CBFA2T3: variants seen among roughly 807,000 people sequenced by gnomAD.
The protein encoded by CBFA2T3 is CBFA2/RUNX1 partner transcriptional co-repressor 3, also known as transcriptional corepressor CBFA2T3.
In CBFA2T3, 31 loss-of-function variants were observed where a neutral mutation model predicts 58.6. The ratio of observed to expected loss-of-function variants is 0.53; its 90% CI spans 0.40 to 0.71. CBFA2T3 has a LOEUF of 0.71. Ranked by LOEUF, CBFA2T3 falls within the 30% of genes least tolerant of loss-of-function variation. The probability of loss-of-function intolerance (pLI) is 0.00; values close to 1 mark genes in which losing one functional copy is unlikely to be tolerated. For missense variants in CBFA2T3, 1,076 were observed against 963.1 expected, an observed-to-expected ratio of 1.12 and a Z score of -1.55; for synonymous variants, 531 against 421.9, an observed-to-expected ratio of 1.26 and a Z score of -3.17.
chr16:88,934,335 G>T (rs1008107442), intron 1 of CBFA2T3, among the ~76,000 whole-genome samples: 4 of 152,254 alleles, frequency 2.6e-5, no homozygotes, highest in Non-Finnish European at 5.9e-5. Context: ...CTCCATGCAC[G>T]TTCCCGAACA....
chr16:88,970,898 C>G (rs1369441393), intron 1 of CBFA2T3, among the ~76,000 whole-genome samples: 1 of 152,090 alleles, frequency 6.6e-6, no homozygotes, highest in Non-Finnish European at 1.5e-5. Flanking sequence ...CATGGGGTGA[C>G]AGATTGAAGG....
intron 2 of CBFA2T3, among the ~76,000 whole-genome samples, chr16:88,900,301 G>A (rs796319846): frequency 2.6e-5 from 4 of 152,334 alleles, no homozygotes; most frequent in African/African-American, 9.6e-5. Flanking sequence ...CAAGTCGGGA[G>A]GCTGACTCGG....
At position 88,894,457 on chromosome 16, in the gene CBFA2T3, C is replaced by A. The variant is rs961022264; in HGVS notation, c.380-1972G>T. ...CACACAATGTACACACATGCACGCACACATGCATACATATACACATGCACA... is the reference window on the plus strand; with the variant it reads ...CACACAATGTACACACATGCACGCAAACATGCATACATATACACATGCACA... On this transcript the variant is annotated intron_variant, in intron 3 of 11. Coordinates refer to ENST00000268679, the MANE Select transcript of CBFA2T3 (RefSeq NM_005187.6). 1.6e-5 allele frequency among the ~76,000 whole-genome samples: 2 copies of A among 123,290 alleles called. 1 individual carries two copies. The highest frequency in any genetic ancestry group is 7.3e-5 in the African/African-American group (2 of 27,534). 80.9% of individuals were successfully genotyped at this position (123,290 alleles called of 152,430 possible). A position where few individuals can be genotyped will look rare whatever the true frequency, so the allele number is the denominator to read the frequency against.
chr16:88,940,524 G>T (rs1182857357), intron 1 of CBFA2T3, among the ~76,000 whole-genome samples: 1 of 152,236 alleles, frequency 6.6e-6, no homozygotes. Context: ...GGACCCCAGG[G>T]ACCGCATGCC....
At position 88,892,461 on chromosome 16, in the gene CBFA2T3, G is replaced by A. The variant is rs1341735681; in HGVS notation, c.404C>T (p.Pro135Leu). The A allele has an allele frequency of 1.9e-6, 3 of 1,613,212 alleles. No individual in the cohort carries two copies. Among genetic ancestry groups the A allele is most frequent in the Admixed American group, 1.7e-5 (1 of 60,030 alleles). Residue 135 changes from proline to leucine, a missense_variant, in exon 4 of 12, where the codon CCA becomes CTA. By Grantham distance (98) the Pro-to-Leu change is moderately conservative. Transcript: ENST00000268679. ...GCACGGTGCACCATTGATGGCTGTTGGTGAGTGGCTGCTGCCGTTCATCAC... is the reference window on the plus strand; with the variant it reads ...GCACGGTGCACCATTGATGGCTGTTAGTGAGTGGCTGCTGCCGTTCATCAC... ...CLLMNGSSHS[P>L]TAINGAPCTP... is the part of the protein sequence containing the mutation.
At chr16:88,937,219 A>AGGATCT (rs747793586) in intron 1 of CBFA2T3, 8 of 152,242 alleles carry the variant, frequency 5.3e-5, no homozygotes, top group Non-Finnish European at 8.8e-5. Context: ...CCCCCAGGAA[A>AGGATCT]GGATCTGGGG....
In CBFA2T3 at chr16:88,875,274, G is replaced by A. The variant is rs1442499025; in HGVS notation, c.*1702C>T. 5.6e-6 allele frequency: 1 copy of A among 177,046 alleles called. No homozygotes were observed. Among genetic ancestry groups the A allele is most frequent in the Non-Finnish European group, 1.2e-5 (1 of 85,070 alleles). 11.0% of individuals were successfully genotyped at this position (177,046 alleles called of 1,614,324 possible). On this transcript the variant is annotated 3_prime_UTR_variant, in exon 12 of 12. Coordinates refer to ENST00000268679, the MANE Select transcript of CBFA2T3 (RefSeq NM_005187.6). The stretch of plus-strand genomic sequence containing the variant: ...CTGTCCTTGTACTCGGTGCAAGCAT[G>A]AATTTCTTTATCCCTTTATTTCCTT...
chr16:88,968,537 T>C (rs1315372550), intron 1 of CBFA2T3, among the ~76,000 whole-genome samples: 1 of 152,248 alleles, frequency 6.6e-6, no homozygotes, highest in African/African-American at 2.4e-5. Context: ...CAGATCTGAC[T>C]GGCATCTTCT....
intron 10 of CBFA2T3, chr16:88,880,178 C>G (rs573705824): frequency 6.4e-6 from 1 of 157,156 alleles, no homozygotes; most frequent in East Asian, 1.9e-4. Flanking sequence ...TCAACTCCAC[C>G]ACTGAAAGAG....
intron 1 of CBFA2T3, among the ~76,000 whole-genome samples, chr16:88,967,261 A>T (rs12927542): frequency 1.4e-5 from 2 of 146,464 alleles, no homozygotes; most frequent in Non-Finnish European, 3.0e-5. Flanking sequence ...ACGAGGCAGC[A>T]CCATGCTCAA....
chr16:88,898,124 G>A lies in CBFA2T3; in HGVS notation c.333C>T (p.Pro111=), dbSNP rs778392285. 1.7e-5 allele frequency: 27 copies of A among 1,613,064 alleles called. No homozygotes were observed. Among genetic ancestry groups the A allele is most frequent in the Non-Finnish European group, 2.0e-5 (24 of 1,179,800 alleles). The change falls in exon 3 of 12, where the codon CCC becomes CCT. Residue 111 remains proline, a synonymous_variant. Transcript: ENST00000268679. ...TTAAGCAGCCATGAAAACGGCCGTGGGGCAGCGTCGCAGGCCCGTCCTCTC... is the reference window on the plus strand; with the variant it reads ...TTAAGCAGCCATGAAAACGGCCGTGAGGCAGCGTCGCAGGCCCGTCCTCTC... ...THREDGPATL[P]HGRFHGCLKW... is the part of the protein sequence containing the mutation.
intron 1 of CBFA2T3, among the ~76,000 whole-genome samples, chr16:88,934,756 C>T (rs1039864837): frequency 3.9e-5 from 6 of 152,024 alleles, no homozygotes; most frequent in Admixed American, 1.3e-4. Flanking sequence ...CTTTTTTTCT[C>T]GGAGACGGAG....
intron 1 of CBFA2T3, among the ~76,000 whole-genome samples, chr16:88,904,354 C>T (rs1410346599): frequency 6.6e-6 from 1 of 152,034 alleles, no homozygotes; most frequent in Non-Finnish European, 1.5e-5. Context: ...TGCCATCAGC[C>T]CATTTTACTA....
chr16:88,890,778 G>A (rs938177677), intron 5 of CBFA2T3, among the ~76,000 whole-genome samples: 1 of 152,146 alleles, frequency 6.6e-6, no homozygotes, highest in Non-Finnish European at 1.5e-5. Context: ...GTGCAGTGGC[G>A]TGATCACAGC....
chr16:88,931,653 G>C (rs1434267914), intron 1 of CBFA2T3, among the ~76,000 whole-genome samples: 1 of 150,566 alleles, frequency 6.6e-6, no homozygotes, highest in African/African-American at 2.5e-5. Context: ...AAGGGCCGTG[G>C]GCTGGCCCCA....
intron 1 of CBFA2T3, among the ~76,000 whole-genome samples, chr16:88,910,106 C>G (rs910410312): frequency 1.3e-5 from 2 of 152,368 alleles, no homozygotes; most frequent in Middle Eastern, 3.4e-3. Flanking sequence ...TAACCACACG[C>G]ACTACCCCAC....
In CBFA2T3 at chr16:88,929,297, G is replaced by A. The variant is rs533491235; in HGVS notation, c.152-27641C>T. Among the ~76,000 whole-genome samples the A allele has an allele frequency of 3.3e-5, 5 of 152,314 alleles. No individual in the cohort carries two copies. The South Asian group carries it at 1.0e-3, about 32-fold the overall frequency. ...CCTCAGGCAAACGGCATCCATCACC[G>A]GGGCCGGCACACCATCGCCTGTGAG... On this transcript the variant is annotated intron_variant, in intron 1 of 11. Transcript: ENST00000268679.
intron 1 of CBFA2T3, among the ~76,000 whole-genome samples, chr16:88,946,072 C>T (rs1009590342): frequency 6.6e-6 from 1 of 152,054 alleles, no homozygotes; most frequent in African/African-American, 2.4e-5. Context: ...CTTTGGGAGG[C>T]CGAAGGGGGC....
intron 1 of CBFA2T3, chr16:88,940,406 C>G (rs961781167): frequency 6.5e-6 from 1 of 153,086 alleles, no homozygotes; most frequent in African/African-American, 2.4e-5. Flanking sequence ...CCTCCCTCCC[C>G]GCTGTTCCCA....
Sources: gnomAD v4.1 joint callset for allele counts (sites outside exome capture counted in the v4.1 genomes callset) on GRCh38, gnomAD v4.1.1 for gene constraint, MANE v1.5 for transcripts, NCBI Gene and HGNC (gene_info 2026-07-23, HGNC 2026-07-21) for gene names.